The following KIF13A variants were observed in gnomAD, a reference collection of about 807,000 sequenced individuals.
KIF13A encodes the protein kinesin-like protein KIF13A.
KIF13A carries 79 observed loss-of-function variants against 212.2 expected under a neutral mutation model. The ratio of observed to expected loss-of-function variants is 0.37; its 90% CI spans 0.31 to 0.45. The LOEUF is 0.45. Among genes scored for constraint, KIF13A ranks in the 20% least tolerant of loss-of-function variants. The probability of loss-of-function intolerance (pLI) is 1.00; values close to 1 mark genes in which losing one functional copy is unlikely to be tolerated. For missense variants in KIF13A, 1,901 were observed against 2,209.0 expected (o/e 0.86, Z 2.79); for synonymous variants, 789 against 808.6 (o/e 0.98, Z 0.41).
intron 2 of KIF13A, among the ~76,000 whole-genome samples, chr6:17,949,783 T>C (rs1777705706): frequency 6.6e-6 from 1 of 152,038 alleles, no homozygotes; most frequent in Non-Finnish European, 1.5e-5. Context: ...TATACAGTAA[T>C]AAAAAAACAA....
chr6:17,935,090 T>G (rs1264778871), intron 2 of KIF13A, among the ~76,000 whole-genome samples: 1 of 152,156 alleles, frequency 6.6e-6, no homozygotes, highest in Non-Finnish European at 1.5e-5. Flanking sequence ...AGTTGTGTTA[T>G]TTTCACCATT....
At chr6:17,940,817 A>ATTTTTT (rs11325656) in intron 2 of KIF13A, among the ~76,000 whole-genome samples, 2 of 140,512 alleles carry the variant, frequency 1.4e-5, no homozygotes, top group African/African-American at 2.7e-5. Context: ...ATGTAAATTT[A>ATTTTTT]TTTTTTTTTT....
intron 3 of KIF13A, among the ~76,000 whole-genome samples, chr6:17,890,785 C>T (rs1281664149): frequency 1.2e-5 from 1 of 81,372 alleles, no homozygotes; most frequent in African/African-American, 5.4e-5. Flanking sequence ...TGTTACTATG[C>T]CCAGCTAATA....
chr6:17,790,457 A>G (rs1251973683), intron 25 of KIF13A, among the ~76,000 whole-genome samples: 2 of 152,186 alleles, frequency 1.3e-5, no homozygotes, highest in African/African-American at 4.8e-5. Flanking sequence ...AGGAACCAAC[A>G]TAATTGGGCC....
intron 2 of KIF13A, among the ~76,000 whole-genome samples, chr6:17,933,323 T>C (rs1776170961): frequency 6.6e-6 from 1 of 152,022 alleles, no homozygotes; most frequent in Non-Finnish European, 1.5e-5. Context: ...CTGAGCTCCC[T>C]GTAGCCTCAA....
Position 17,829,085 on chromosome 6 carries a change from T to C in KIF13A, c.1402-715A>G, listed in dbSNP as rs867734870. On this transcript the variant is annotated intron_variant, in intron 13 of 38. Transcript: ENST00000259711. This position sits in a 1 kb window ranked among gnomAD's most constrained non-coding sequence, Gnocchi z 5.4. The stretch of plus-strand genomic sequence containing the variant: ...GCCTCAGCCTCCTGAGTAGTTGGGA[T>C]TACAGGTATGCGCCACCACGTCTGG... Among the ~76,000 whole-genome samples, 1 of 152,040 alleles carries C rather than the reference T, an allele frequency of 6.6e-6. No individual in the cohort carries two copies. The highest frequency in any genetic ancestry group is 2.4e-5 in the African/African-American group (1 of 41,394).
chr6:17,881,462 C>A, intron 3 of KIF13A: 1 of 426,058 alleles, frequency 2.3e-6, no homozygotes, highest in Non-Finnish European at 4.6e-6. Context: ...AAAAAAAGGC[C>A]AGGCACAGTG....
rs116818452 is a variant in KIF13A, at chr6:17,794,449, G to A, written c.3076-54C>T. ...CCAGGAATGATAATGAAAAGGAACG[G>A]GATAAAGAAGGGGAAAAGGATTAGA... On this transcript the variant is annotated intron_variant, in intron 24 of 38. Transcript: ENST00000259711. This position sits in a 1 kb window ranked among gnomAD's most constrained non-coding sequence, Gnocchi z 4.1. 1.5e-3 allele frequency: 2,342 copies of A among 1,577,960 alleles called. 35 individuals carry two copies. The African/African-American group carries it at 0.029, about 20-fold the overall frequency.
Position 17,984,502 on chromosome 6 carries a change from G to A in KIF13A, c.146+2552C>T, listed in dbSNP as rs555465811. On this transcript the variant is annotated intron_variant, in intron 2 of 38. Transcript: ENST00000259711. The surrounding 1 kb of genome is among the most constrained non-coding windows in gnomAD (Gnocchi z 5.0). ...CAAAACAAACATCTTTAACCTCAGAGATCCTCTGATCTTTTAGTCCTAGCT... is the reference window on the plus strand; with the variant it reads ...CAAAACAAACATCTTTAACCTCAGAAATCCTCTGATCTTTTAGTCCTAGCT... 2.1e-5 allele frequency: 21 copies of A among 984,428 alleles called. No homozygotes were observed. The highest frequency in any genetic ancestry group is 2.5e-5 in the Non-Finnish European group (21 of 829,380). 61.0% of individuals were successfully genotyped at this position (984,428 alleles called of 1,614,324 possible).
At position 17,834,076 on chromosome 6, in the gene KIF13A, A is replaced by C; in HGVS notation, c.1156-5T>G. 1 of 1,563,952 alleles carries C rather than the reference A, an allele frequency of 6.4e-7. No homozygotes were observed. Among genetic ancestry groups the C allele is most frequent in the Non-Finnish European group, 8.6e-7 (1 of 1,159,886 alleles). On this transcript the variant is annotated splice_region_variant and splice_polypyrimidine_tract_variant and intron_variant, in intron 11 of 38. Transcript: ENST00000259711. This position sits in a 1 kb window ranked among gnomAD's most constrained non-coding sequence, Gnocchi z 4.0. ...CAGTTCAGGGGCCTTCATGGCCTTTAAAATGAAATCAGAGATATCTGATGT... is the reference window on the plus strand; with the variant it reads ...CAGTTCAGGGGCCTTCATGGCCTTTCAAATGAAATCAGAGATATCTGATGT...
intron 32 of KIF13A, 79 bp from the exon 33 acceptor site, chr6:17,779,178 G>C (rs1760260171): frequency 8.8e-7 from 1 of 1,132,564 alleles, no homozygotes; most frequent in Non-Finnish European, 1.3e-6. Context: ...AAACGTTTTA[G>C]AAGTCTGGAG....
chr6:17,932,686 A>G (rs181050125), intron 2 of KIF13A, among the ~76,000 whole-genome samples: 1 of 152,148 alleles, frequency 6.6e-6, no homozygotes, highest in Admixed American at 6.5e-5. Flanking sequence ...GCACAGCACT[A>G]CTGTACAGAT....
chr6:17,787,322 AT>A lies in KIF13A; in HGVS notation c.3361+453del, dbSNP rs1377432648. ...AGGCCTCTTAAACCAACAATGTATA[AT>A]ATGATTGACTGATGTCTATAATTGT... On this transcript the variant is annotated intron_variant, in intron 27 of 38. Transcript: ENST00000259711. The surrounding 1 kb of genome is among the most constrained non-coding windows in gnomAD (Gnocchi z 4.6). Among the ~76,000 whole-genome samples the A allele has an allele frequency of 1.3e-5, 2 of 152,228 alleles. No individual in the cohort carries two copies. Among genetic ancestry groups the A allele is most frequent in the Non-Finnish European group, 2.9e-5 (2 of 68,036 alleles).
intron 29 of KIF13A, among the ~76,000 whole-genome samples, chr6:17,782,307 T>C (rs928139841): frequency 7.2e-5 from 11 of 152,170 alleles, no homozygotes; most frequent in African/African-American, 1.9e-4. Flanking sequence ...GGAATGAATA[T>C]ATTCTTTGTT....
chr6:17,878,731 T>G (rs778110009), intron 3 of KIF13A, among the ~76,000 whole-genome samples: 9 of 152,232 alleles, frequency 5.9e-5, no homozygotes, highest in Non-Finnish European at 7.3e-5. Flanking sequence ...TGTGAAAACT[T>G]CTAACAATCA....
intron 11 of KIF13A, among the ~76,000 whole-genome samples, chr6:17,836,561 C>T (rs1418820953): frequency 6.6e-6 from 1 of 152,158 alleles, no homozygotes; most frequent in Non-Finnish European, 1.5e-5. Context: ...TTAGTCAGTT[C>T]TCACATTGCT....
rs771310891 is a variant in KIF13A, at chr6:17,796,704, A to T, written c.2907T>A (p.Asp969Glu). The T allele has an allele frequency of 1.3e-6, 2 of 1,583,618 alleles. No homozygotes were observed. The highest frequency in any genetic ancestry group is 3.5e-5 in the Admixed American group (2 of 56,616). Residue 969 changes from aspartate to glutamate, a missense_variant, in exon 23 of 39, where the codon GAT becomes GAA. Asp to Glu is a conservative substitution (Grantham distance 45). This residue lies in a region of KIF13A where 534 missense variants were observed against 536.9 expected (regional missense o/e 0.99). Transcript: ENST00000259711. ...AGNGSSIWEV[D>E]SLHAKTRTLH... is the part of the protein sequence containing the mutation. ...GTGTTCTTGTCTTAGCATGAAGAGA[A>T]TCGACCTCCCAGATGGAGCTGCCAT...
chr6:17,763,681 G>A (rs149671299), downstream of KIF13A: 62 of 217,162 alleles, frequency 2.9e-4, no homozygotes, highest in African/African-American at 1.3e-3. Flanking sequence ...TGAAATTGGG[G>A]TGTCTTACAA....
chr6:17,921,847 G>GT (rs1336777963), intron 2 of KIF13A, among the ~76,000 whole-genome samples: 2 of 152,106 alleles, frequency 1.3e-5, no homozygotes, highest in Non-Finnish European at 2.9e-5. Context: ...TAGAAGTTTT[G>GT]TTTTTTGCTT....
Sources: gnomAD v4.1 joint callset for allele counts (sites outside exome capture counted in the v4.1 genomes callset) on GRCh38, gnomAD v4.1.1 for gene constraint, gnomAD v4.1.1 regional missense constraint, Gnocchi (gnomAD v3.1) non-coding constraint, MANE v1.5 for transcripts, NCBI Gene and HGNC (gene_info 2026-07-23, HGNC 2026-07-21) for gene names.